The following SEMA5B variants were observed in gnomAD, a reference collection of about 807,000 sequenced individuals.
The protein encoded by SEMA5B is semaphorin 5B.
Under a neutral mutation model 135.0 loss-of-function variants are expected in SEMA5B, and 66 were observed. The observed-to-expected ratio is 0.49, with a 90% confidence interval of 0.40 to 0.60. SEMA5B has a LOEUF of 0.60. Among genes scored for constraint, SEMA5B ranks in the 20% least tolerant of loss-of-function variants. The pLI, the probability that SEMA5B is intolerant of heterozygous loss-of-function variation, is 0.00. For missense variants in SEMA5B, 1,501 were observed against 1,566.3 expected, an observed-to-expected ratio of 0.96 and a Z score of 0.70; for synonymous variants, 690 against 639.5, an observed-to-expected ratio of 1.08 and a Z score of -1.19.
chr3:123,016,170 C>G (rs1312803371), intron 1 of SEMA5B, among the ~76,000 whole-genome samples: 2 of 152,146 alleles, frequency 1.3e-5, no homozygotes, highest in African/African-American at 4.8e-5. Flanking sequence ...TGAGGGAGCC[C>G]CACATTGGTG....
intron 7 of SEMA5B, 147 bp from the exon 8 acceptor site, chr3:122,928,150 C>T (rs1271274367): frequency 3.4e-6 from 2 of 588,308 alleles, no homozygotes; most frequent in African/African-American, 1.9e-5. Context: ...GCTCATGGTC[C>T]CTCTGAGGGA....
At chr3:122,984,416 C>G (rs1056856478) in intron 1 of SEMA5B, among the ~76,000 whole-genome samples, 2 of 152,234 alleles carry the variant, frequency 1.3e-5, no homozygotes, top group Non-Finnish European at 2.9e-5. Flanking sequence ...CTAAAACCCC[C>G]CTTTGCTGTC....
intron 5 of SEMA5B, among the ~76,000 whole-genome samples, chr3:122,936,491 G>A (rs1001853021): frequency 8.5e-5 from 13 of 152,122 alleles, no homozygotes; most frequent in Admixed American, 4.6e-4. Context: ...CCCATTATGC[G>A]TCCTGATGCA....
intron 12 of SEMA5B, among the ~76,000 whole-genome samples, chr3:122,916,387 C>G (rs1023877100): frequency 3.9e-5 from 6 of 152,176 alleles, no homozygotes; most frequent in African/African-American, 1.4e-4. Context: ...ACATTAGAAT[C>G]ACCTGAGGAG....
At chr3:122,969,107 T>C (rs1941005739) in intron 1 of SEMA5B, among the ~76,000 whole-genome samples, 1 of 152,262 alleles carries the variant, frequency 6.6e-6, no homozygotes, top group Non-Finnish European at 1.5e-5. Flanking sequence ...TTTTCAAATG[T>C]GATCTCATTT....
At chr3:123,006,809 A>G (rs1025421452) in intron 1 of SEMA5B, among the ~76,000 whole-genome samples, 30 of 152,060 alleles carry the variant, frequency 2.0e-4, no homozygotes, top group African/African-American at 6.5e-4. Flanking sequence ...GTTCTGCTCC[A>G]TACACATCCC....
intron 1 of SEMA5B, among the ~76,000 whole-genome samples, chr3:123,007,444 T>G (rs977123655): frequency 6.6e-6 from 1 of 152,220 alleles, no homozygotes; most frequent in African/African-American, 2.4e-5. Flanking sequence ...TTATCCATAC[T>G]GCTATGGTCT....
At chr3:122,990,518 A>G (rs1941843018) in intron 1 of SEMA5B, among the ~76,000 whole-genome samples, 1 of 151,792 alleles carries the variant, frequency 6.6e-6, no homozygotes. Context: ...GGAGGAGACA[A>G]GGGCACTCAT....
intron 3 of SEMA5B, among the ~76,000 whole-genome samples, chr3:122,947,012 G>A (rs1392259567): frequency 6.6e-6 from 1 of 152,032 alleles, no homozygotes; most frequent in Non-Finnish European, 1.5e-5. Context: ...GGGAGACAGG[G>A]ATTCCCCAGC....
At chr3:122,942,574 C>T (rs571177951) in intron 4 of SEMA5B, among the ~76,000 whole-genome samples, 2 of 152,328 alleles carry the variant, frequency 1.3e-5, no homozygotes, top group Admixed American at 1.3e-4. Flanking sequence ...CTGTTGTCAT[C>T]ATGCTATGTG....
At chr3:122,918,916 C>T (rs558389961) in intron 12 of SEMA5B, among the ~76,000 whole-genome samples, 15 of 151,076 alleles carry the variant, frequency 9.9e-5, no homozygotes, top group Non-Finnish European at 1.8e-4. Context: ...TAAAGTGTGT[C>T]TCTGACTGTG....
intron 2 of SEMA5B, among the ~76,000 whole-genome samples, chr3:122,959,582 GA>G (rs1940485406): frequency 2.9e-5 from 1 of 34,420 alleles, no homozygotes; most frequent in Admixed American, 2.7e-4. Context: ...ATGAAAACAA[GA>G]AGAATATAAC....
At chr3:123,007,221 T>C (rs55983866) in intron 1 of SEMA5B, among the ~76,000 whole-genome samples, 10,163 of 152,026 alleles carry the variant, frequency 0.067, 993 homozygotes, top group African/African-American at 0.22. Flanking sequence ...TGTATCAGGG[T>C]TTTGCTCTCA....
Position 123,010,682 on chromosome 3 carries a change from C to T in SEMA5B, c.-39+16782G>A, listed in dbSNP as rs528075588. ...AAAATTAGCTGGGCATGGTGGCATG[C>T]GCCTGTAGTCCCAGCTACTCAGGAG... is the stretch of plus-strand genomic sequence containing the variant. On this transcript the variant is annotated intron_variant, in intron 1 of 22. Coordinates refer to ENST00000357599, the MANE Select transcript of SEMA5B (RefSeq NM_001031702.4). 5.9e-5 allele frequency among the ~76,000 whole-genome samples: 9 copies of T among 151,958 alleles called. No homozygotes were observed. The South Asian group carries it at 6.3e-4, about 11-fold the overall frequency.
At chr3:123,003,088 G>A (rs1942222282) in intron 1 of SEMA5B, among the ~76,000 whole-genome samples, 1 of 152,056 alleles carries the variant, frequency 6.6e-6, no homozygotes, top group Non-Finnish European at 1.5e-5. Context: ...AGATGGCTGA[G>A]TTCAAGTCAA....
chr3:122,934,936 G>A (rs1339481072), intron 5 of SEMA5B, among the ~76,000 whole-genome samples: 1 of 151,750 alleles, frequency 6.6e-6, no homozygotes, highest in African/African-American at 2.4e-5. Context: ...TGGATGTTAT[G>A]ATATGTCTGA....
chr3:122,915,713 G>C lies in SEMA5B; in HGVS notation c.1806+60C>G, dbSNP rs1938037307. 5 of 1,603,576 alleles carry C rather than the reference G, an allele frequency of 3.1e-6. No homozygotes were observed. The South Asian group carries it at 5.5e-5, about 18-fold the overall frequency. ...CAGGGGATTGGGGGAATATTGGTGG[G>C]GAGTCATAGCCTGAATTGAAGGAGG... is the stretch of plus-strand genomic sequence containing the variant. On this transcript the variant is annotated intron_variant, in intron 13 of 22. Transcript: ENST00000357599.
intron 2 of SEMA5B, among the ~76,000 whole-genome samples, chr3:122,955,109 T>A (rs992193748): frequency 1.3e-5 from 2 of 150,942 alleles, no homozygotes; most frequent in African/African-American, 2.5e-5. Context: ...AGTCATCATC[T>A]TCTTCTTTTT....
chr3:122,922,775 T>C (rs1938430233), intron 10 of SEMA5B, among the ~76,000 whole-genome samples: 1 of 152,196 alleles, frequency 6.6e-6, no homozygotes, highest in East Asian at 1.9e-4. Flanking sequence ...TTTATGCTGT[T>C]GCTGCAGGCT....
Sources: gnomAD v4.1 joint callset for allele counts (sites outside exome capture counted in the v4.1 genomes callset) on GRCh38, gnomAD v4.1.1 for gene constraint, MANE v1.5 for transcripts, NCBI Gene and HGNC (gene_info 2026-07-23, HGNC 2026-07-21) for gene names.